The following NRG2 variants were observed in gnomAD, a reference collection of about 807,000 sequenced individuals.
NRG2 encodes the protein neuregulin 2.
NRG2 carries 27 observed loss-of-function variants against 73.9 expected under a neutral mutation model. The observed-to-expected ratio is 0.37, with a 90% CI of 0.27 to 0.50. NRG2 has a LOEUF of 0.50. Ranked by LOEUF, NRG2 falls within the 20% of genes least tolerant of loss-of-function variation. The pLI, the probability that NRG2 is intolerant of heterozygous loss-of-function variation, is 0.96. For synonymous variants in NRG2, 532 were observed against 541.0 expected, an observed-to-expected ratio of 0.98 and a Z score of 0.23; for missense variants, 1,126 against 1,210.1, an observed-to-expected ratio of 0.93 and a Z score of 1.03.
chr5:139,848,016 G>T lies in NRG2; in HGVS notation c.2454C>A (p.Ser818Arg), dbSNP rs902778953. 1.9e-5 allele frequency: 29 copies of T among 1,512,022 alleles called. No individual in the cohort carries two copies. The highest frequency in any genetic ancestry group is 2.5e-5 in the Non-Finnish European group (28 of 1,135,006). 93.7% of individuals were successfully genotyped at this position (1,512,022 alleles called of 1,614,324 possible). The change falls in exon 10 of 10, where the codon AGC (serine) becomes AGA (arginine). Residue 818 changes from serine (S) to arginine (R), a missense_variant. Transcript: ENST00000361474. ...GGCTGTCCAGTGAGTAGTAAGTCCT[G>T]CTGTCGGCCGCCGGGCACAGTGGCG... is the stretch of plus-strand genomic sequence containing the variant. ...DSPPLCPAADSRTYYSLDSHS... is the reference protein window; with the variant it reads ...DSPPLCPAADRRTYYSLDSHS...
intron 3 of NRG2, among the ~76,000 whole-genome samples, chr5:139,875,046 C>T (rs1258260194): frequency 3.9e-5 from 6 of 152,200 alleles, no homozygotes; most frequent in East Asian, 1.9e-4. Flanking sequence ...GAGTCTTGCT[C>T]TGTTGCCCAG....
At position 139,848,204 on chromosome 5, in the gene NRG2, C is replaced by G; in HGVS notation, c.2266G>C (p.Ala756Pro). ...GACAGCGAGTCCCTCGCCGCCCGTG[C>G]GCGCTGCGCCGCCAGCCCGTTGAGG... ...SRLNGLAAQR[A>P]RAARDSLSLS... is the part of the protein sequence containing the mutation. The change falls in exon 10 of 10, where the codon GCA (alanine) becomes CCA (proline). Residue 756 changes from alanine to proline, a missense_variant. Physicochemically the swap from Ala to Pro is conservative, Grantham distance 27 (BLOSUM62 -1). Coordinates refer to ENST00000361474, the MANE Select transcript of NRG2 (RefSeq NM_004883.3). 7.7e-7 allele frequency: 1 copy of G among 1,291,682 alleles called. No homozygotes were observed. The allele number at this position is 1,291,682 out of a possible 1,614,324, so 80.0% of individuals were successfully genotyped here. A position where few individuals can be genotyped will look rare whatever the true frequency, so the allele number is the denominator to read the frequency against.
intron 9 of NRG2, among the ~76,000 whole-genome samples, chr5:139,849,627 T>C (rs1270420303): frequency 6.6e-6 from 1 of 152,122 alleles, no homozygotes; most frequent in Admixed American, 6.5e-5. Context: ...ACCTCCACGC[T>C]TCCCTTCCAA....
At chr5:139,924,756 T>C (rs992678615) in intron 1 of NRG2, among the ~76,000 whole-genome samples, 5 of 152,222 alleles carry the variant, frequency 3.3e-5, no homozygotes, top group African/African-American at 1.2e-4. Flanking sequence ...TTTCCTGGGC[T>C]GATGGGGCTT....
intron 1 of NRG2, among the ~76,000 whole-genome samples, chr5:139,925,014 G>A (rs1057468227): frequency 6.6e-6 from 1 of 152,168 alleles, no homozygotes; most frequent in Non-Finnish European, 1.5e-5. Flanking sequence ...TAGGACACAC[G>A]AAGCCTGGGA....
At chr5:139,989,641 G>A (rs1224591381) in intron 1 of NRG2, among the ~76,000 whole-genome samples, 1 of 151,830 alleles carries the variant, frequency 6.6e-6, no homozygotes, top group Admixed American at 6.6e-5. Flanking sequence ...ATTCACGCAT[G>A]TTGTTGCATG....
intron 1 of NRG2, among the ~76,000 whole-genome samples, chr5:139,943,481 A>T (rs1390889790): frequency 6.6e-6 from 1 of 152,138 alleles, no homozygotes; most frequent in African/African-American, 2.4e-5. Flanking sequence ...ATTGTGCTGT[A>T]ATGAGATCTT....
intron 1 of NRG2, among the ~76,000 whole-genome samples, chr5:139,982,714 A>G (rs1756900204): frequency 6.6e-6 from 1 of 152,134 alleles, no homozygotes; most frequent in African/African-American, 2.4e-5. Context: ...TTATTTCTTT[A>G]CAACTTTCGG....
intron 4 of NRG2, among the ~76,000 whole-genome samples, chr5:139,867,809 T>A (rs1421350377): frequency 5.6e-4 from 77 of 136,458 alleles, no homozygotes; most frequent in East Asian, 2.8e-3. Context: ...TGAGTGTGTG[T>A]GTGTGTGTGT....
chr5:140,025,145 C>G (rs1335343289), intron 1 of NRG2, among the ~76,000 whole-genome samples: 2 of 152,178 alleles, frequency 1.3e-5, no homozygotes, highest in Non-Finnish European at 2.9e-5. Flanking sequence ...CCCTCTTCCT[C>G]AACTAAACAC....
At chr5:140,012,792 C>T (rs1759469625) in intron 1 of NRG2, among the ~76,000 whole-genome samples, 1 of 152,148 alleles carries the variant, frequency 6.6e-6, no homozygotes, top group South Asian at 2.1e-4. Flanking sequence ...TTCTTCCATT[C>T]ATTCATGATC....
At chr5:140,014,912 A>G (rs1759651118) in intron 1 of NRG2, among the ~76,000 whole-genome samples, 2 of 152,214 alleles carry the variant, frequency 1.3e-5, no homozygotes, top group African/African-American at 4.8e-5. Context: ...CTGCTGCTCT[A>G]AACTCCGCTC....
chr5:140,037,074 G>A (rs1410082051), intron 1 of NRG2, among the ~76,000 whole-genome samples: 1 of 152,182 alleles, frequency 6.6e-6, no homozygotes, highest in Non-Finnish European at 1.5e-5. Context: ...AATTCCCTGG[G>A]ATTGTACCAG....
At chr5:139,965,568 G>T (rs992845119) in intron 1 of NRG2, among the ~76,000 whole-genome samples, 1 of 152,216 alleles carries the variant, frequency 6.6e-6, no homozygotes, top group Non-Finnish European at 1.5e-5. Flanking sequence ...GTATAACAGG[G>T]CCTGAATATT....
intron 1 of NRG2, among the ~76,000 whole-genome samples, chr5:139,914,984 C>T (rs1751142060): frequency 6.6e-6 from 1 of 152,190 alleles, no homozygotes; most frequent in South Asian, 2.1e-4. Flanking sequence ...CCCAGTGAGC[C>T]TTGGCCTTTG....
At chr5:139,890,165 G>T (rs1308882502) in intron 1 of NRG2, among the ~76,000 whole-genome samples, 1 of 151,952 alleles carries the variant, frequency 6.6e-6, no homozygotes, top group African/African-American at 2.4e-5. Context: ...TTTAATCTTT[G>T]CCAATTAGCT....
chr5:139,934,011 A>C (rs532338249), intron 1 of NRG2, among the ~76,000 whole-genome samples: 5 of 152,240 alleles, frequency 3.3e-5, no homozygotes, highest in Non-Finnish European at 5.9e-5. Context: ...TCAGCCTGGA[A>C]AACATGGAGA....
chr5:139,967,827 C>T lies in NRG2; in HGVS notation c.700+74543G>A, dbSNP rs188737322. 1.8e-3 allele frequency among the ~76,000 whole-genome samples: 281 copies of T among 151,998 alleles called. 3 individuals carry two copies. The East Asian group carries it at 0.042, about 23-fold the overall frequency. Reference sequence around the variant, plus strand: ...TACAAAAATTAGCCAGGCGTGGTGGCGGGCGCCTGTAGTCCCAGCTACTCA... The same window carrying T: ...TACAAAAATTAGCCAGGCGTGGTGGTGGGCGCCTGTAGTCCCAGCTACTCA... On this transcript the variant is annotated intron_variant, in intron 1 of 9. Transcript: ENST00000361474.
At chr5:139,903,256 C>T (rs1765003592) in intron 1 of NRG2, among the ~76,000 whole-genome samples, 1 of 152,142 alleles carries the variant, frequency 6.6e-6, no homozygotes, top group African/African-American at 2.4e-5. Flanking sequence ...TACTTTGAAG[C>T]CCAGTCTTAT....
Sources: allele counts gnomAD v4.1 joint callset (sites outside exome capture counted in the v4.1 genomes callset), GRCh38; gene constraint gnomAD v4.1.1; transcripts MANE v1.5; gene names NCBI Gene and HGNC (gene_info 2026-07-23, HGNC 2026-07-21).